Variants in NIPA1 observed in about 807,000 individuals in gnomAD.
NIPA1 encodes the protein magnesium transporter NIPA1.
A neutral mutation model predicts 23.9 loss-of-function variants in NIPA1; 13 were observed. That is an observed-to-expected ratio of 0.54 (90% CI 0.35 to 0.87). The LOEUF (loss-of-function observed/expected upper bound fraction) is 0.87. NIPA1 is among the 40% of genes least tolerant of loss of function. The probability of loss-of-function intolerance (pLI) is 0.01; values close to 1 mark genes in which losing one functional copy is unlikely to be tolerated. For missense variants in NIPA1, 362 were observed against 429.7 expected (o/e 0.84, Z 1.39); for synonymous variants, 234 against 202.9 (o/e 1.15, Z -1.30).
intron 1 of NIPA1, among the ~76,000 whole-genome samples, chr15:22,809,509 C>CT (rs1306564376): frequency 5.3e-5 from 8 of 152,202 alleles, no homozygotes; most frequent in African/African-American, 1.7e-4. Flanking sequence ...GTTTGGGAGT[C>CT]TGAGGCAGGC....
At chr15:22,796,711 C>G (rs1894945013) in intron 1 of NIPA1, among the ~76,000 whole-genome samples, 1 of 152,184 alleles carries the variant, frequency 6.6e-6, no homozygotes, top group Non-Finnish European at 1.5e-5. Context: ...CAGTCTCACA[C>G]TCCTACTCTG....
chr15:22,809,451 C>CA (rs1460377588), intron 1 of NIPA1, among the ~76,000 whole-genome samples: 1 of 151,916 alleles, frequency 6.6e-6, no homozygotes, highest in Non-Finnish European at 1.5e-5. Flanking sequence ...AAAATCTCCT[C>CA]AAAAAATGCT....
chr15:22,823,651 G>T (rs1258057382), intron 4 of NIPA1, 77 bp from the exon 5 acceptor site: 1 of 1,481,366 alleles, frequency 6.8e-7, no homozygotes, highest in Non-Finnish European at 9.1e-7. Context: ...GGGGGCCCGG[G>T]TGCTGCCCCA....
intron 1 of NIPA1, among the ~76,000 whole-genome samples, chr15:22,789,629 A>G (rs1247166873): frequency 6.6e-6 from 1 of 152,138 alleles, no homozygotes; most frequent in Non-Finnish European, 1.5e-5. Context: ...GGAGGCATGG[A>G]GGTGTCTTAC....
At chr15:22,802,401 A>AG (rs1895104204) in intron 1 of NIPA1, among the ~76,000 whole-genome samples, 1 of 151,546 alleles carries the variant, frequency 6.6e-6, no homozygotes, top group South Asian at 2.1e-4. Context: ...CAAAAAAAAA[A>AG]AAAAAAAATT....
chr15:22,794,514 T>C (rs1254284724), intron 1 of NIPA1, among the ~76,000 whole-genome samples: 1 of 151,714 alleles, frequency 6.6e-6, no homozygotes, highest in African/African-American at 2.4e-5. Flanking sequence ...ATGTTATGTA[T>C]ATTTTACCAA....
intron 1 of NIPA1, among the ~76,000 whole-genome samples, chr15:22,804,744 G>C (rs1895167892): frequency 6.6e-6 from 1 of 152,100 alleles, no homozygotes; most frequent in African/African-American, 2.4e-5. Context: ...CTGTGATCTG[G>C]CTGTACATGT....
At chr15:22,810,950 C>T (rs1003498155) in intron 2 of NIPA1, 154 bp downstream of exon 2, 20 of 714,062 alleles carry the variant, frequency 2.8e-5, no homozygotes, top group Non-Finnish European at 4.4e-5. Flanking sequence ...CCTTTCAGTT[C>T]GGATGTCCCT....
Position 22,799,943 on chromosome 15 carries a change from C to CAA in NIPA1, c.179-10779_179-10778dup, listed in dbSNP as rs61174589. 1.2e-3 allele frequency among the ~76,000 whole-genome samples: 58 copies of CAA among 46,990 alleles called. 1 individual carries two copies. The highest frequency in any genetic ancestry group is 2.6e-3 in the East Asian group (3 of 1,158). The allele number at this position is 46,990 out of a possible 152,430, so 30.8% of individuals were successfully genotyped here. A position where few individuals can be genotyped will look rare whatever the true frequency, so the allele number is the denominator to read the frequency against. On this transcript the variant is annotated intron_variant, in intron 1 of 4. Transcript: ENST00000337435. ...TGGGAGACAGAATGAGACCCTGTCT[C>CAA]AAAAAAAAAAAAAAAAAAAAAAAAA...
At chr15:22,787,573 G>A (rs936647848) in intron 1 of NIPA1, among the ~76,000 whole-genome samples, 2 of 152,224 alleles carry the variant, frequency 1.3e-5, no homozygotes, top group Admixed American at 6.5e-5. Context: ...AGTGCTCTGC[G>A]GGGTAGAGCT....
chr15:22,811,015 G>T (rs1213072477), intron 2 of NIPA1: 15 of 576,710 alleles, frequency 2.6e-5, no homozygotes, highest in Admixed American at 8.9e-5. Flanking sequence ...GAGTGCAGAA[G>T]GACAAGTTAG....
intron 3 of NIPA1, among the ~76,000 whole-genome samples, chr15:22,816,486 CTTTT>C (rs71117480): frequency 2.4e-5 from 1 of 42,268 alleles, no homozygotes; most frequent in South Asian, 1.0e-3. Flanking sequence ...CGCACCCAGC[CTTTT>C]TTTTTTTTTT....
rs1215858795 is a variant in NIPA1, at chr15:22,786,694, C to T, written c.38C>T (p.Ala13Val). Reference sequence around the variant, plus strand: ...GCTGCGGCAGCGGCGGCGGCGGCGGCGGCGGCGGCCGGGGAGGGGGCGCGT... The same window carrying T: ...GCTGCGGCAGCGGCGGCGGCGGCGGTGGCGGCGGCCGGGGAGGGGGCGCGT... ...TAAAAAAAAA[A>V]AAAGEGARSP... is the part of the protein sequence containing the mutation. The change falls in exon 1 of 5, where the codon GCG becomes GTG. Residue 13 changes from alanine to valine, a missense_variant. Physicochemically the swap from Ala to Val is moderately conservative, Grantham distance 64 (BLOSUM62 0). Coordinates refer to ENST00000337435, the MANE Select transcript of NIPA1 (RefSeq NM_144599.5). The T allele has an allele frequency of 1.8e-6, 2 of 1,116,588 alleles. No homozygotes were observed. Among genetic ancestry groups the T allele is most frequent in the Admixed American group, 4.6e-5 (1 of 21,970 alleles). 69.2% of individuals were successfully genotyped at this position (1,116,588 alleles called of 1,614,324 possible).
rs186928089 is a variant in NIPA1, at chr15:22,821,564, C to T, written c.478+1091C>T. Among the ~76,000 whole-genome samples the T allele has an allele frequency of 7.9e-5, 12 of 151,772 alleles. No individual in the cohort carries two copies. In the East Asian group the frequency reaches 9.7e-4, roughly 12 times the overall value. On this transcript the variant is annotated intron_variant, in intron 4 of 4. Coordinates refer to ENST00000337435, the MANE Select transcript of NIPA1 (RefSeq NM_144599.5). ...ACTCGGTGGTCTGCATGTCCACACT[C>T]GCTGGTTTTCTTGTCCACACTCACT...
chr15:22,814,255 T>G lies in NIPA1; in HGVS notation c.317+2002T>G, dbSNP rs980339433. The G allele has an allele frequency of 2.4e-5, 8 of 333,868 alleles. No individual in the cohort carries two copies. In the East Asian group the frequency reaches 4.7e-4, roughly 20 times the overall value. 20.7% of individuals were successfully genotyped at this position (333,868 alleles called of 1,614,324 possible). A position where few individuals can be genotyped will look rare whatever the true frequency, so the allele number is the denominator to read the frequency against. On this transcript the variant is annotated intron_variant, in intron 3 of 4. Transcript: ENST00000337435. ...TGCATATATGTATGTATATATGAGT[T>G]TTTTTTTTGTTTTTTTTTTTGAGAC...
At chr15:22,817,766 C>T (rs959551243) in intron 3 of NIPA1, among the ~76,000 whole-genome samples, 1 of 151,552 alleles carries the variant, frequency 6.6e-6, no homozygotes, top group African/African-American at 2.4e-5. Context: ...GATCGTGCCA[C>T]TGCACTTCAG....
At chr15:22,818,612 A>G (rs1837102331) in intron 3 of NIPA1, among the ~76,000 whole-genome samples, 1 of 152,012 alleles carries the variant, frequency 6.6e-6, no homozygotes, top group Admixed American at 6.6e-5. Flanking sequence ...CCTGGCCAAC[A>G]TGGTGAAACC....
intron 4 of NIPA1, 54 bp from the exon 5 acceptor site, chr15:22,823,674 G>A (rs762830314): frequency 1.1e-5 from 17 of 1,550,640 alleles, no homozygotes; most frequent in African/African-American, 1.4e-5. Context: ...CCACCTCCTG[G>A]GTTGCGGCTG....
chr15:22,810,782 C>T lies in NIPA1; in HGVS notation c.212C>T (p.Ala71Val). The change falls in exon 2 of 5, where the codon GCT (alanine) becomes GTT (valine). Residue 71 changes from alanine to valine, a missense_variant. Ala to Val is a moderately conservative substitution (Grantham distance 64, BLOSUM62 0). Transcript: ENST00000337435. ...TATTTAACAGACATTGTGTGGTGGG[C>T]TGGCACAATCGCAAGTAAGTAGCCT... ...TSYLTDIVWW[A>V]GTIAMAVGQI... 1 of 1,609,978 alleles carries T rather than the reference C, an allele frequency of 6.2e-7. No individual in the cohort carries two copies. The highest frequency in any genetic ancestry group is 8.5e-7 in the Non-Finnish European group (1 of 1,176,240).
Sources: gnomAD v4.1 joint callset for allele counts (sites outside exome capture counted in the v4.1 genomes callset) on GRCh38, gnomAD v4.1.1 for gene constraint, MANE v1.5 for transcripts, NCBI Gene and HGNC (gene_info 2026-07-23, HGNC 2026-07-21) for gene names.